Variants in MYO3B observed in about 807,000 individuals in gnomAD.
The protein encoded by MYO3B is myosin-IIIb.
A neutral mutation model predicts 174.6 loss-of-function variants in MYO3B; 156 were observed. That is an observed-to-expected ratio of 0.89 (90% CI 0.78 to 1.02). The LOEUF is 1.02. Ranked by LOEUF, MYO3B falls within the 50% of genes least tolerant of loss-of-function variation. The pLI, the probability that MYO3B is intolerant of heterozygous loss-of-function variation, is 0.00. For missense variants in MYO3B, 1,632 were observed against 1,639.4 expected, an observed-to-expected ratio of 1.00 and a Z score of 0.08; for synonymous variants, 563 against 569.1, an observed-to-expected ratio of 0.99 and a Z score of 0.15.
intron 7 of MYO3B, among the ~76,000 whole-genome samples, chr2:170,304,321 A>G (rs1452541416): frequency 2.6e-5 from 4 of 152,068 alleles, no homozygotes; most frequent in Non-Finnish European, 4.4e-5. Context: ...AATTTTTCCA[A>G]TATGATGGAT....
At chr2:170,382,890 TCAAGG>T in intron 10 of MYO3B, 178 bp from the exon 11 acceptor site, 2 of 494,830 alleles carry the variant, frequency 4.0e-6, no homozygotes, top group Non-Finnish European at 7.2e-6. Flanking sequence ...ATTTTTTCTT[TCAAGG>T]CAAATATTGG....
intron 7 of MYO3B, among the ~76,000 whole-genome samples, chr2:170,288,587 A>T (rs1006283196): frequency 2.6e-5 from 4 of 151,982 alleles, no homozygotes; most frequent in African/African-American, 9.7e-5. Context: ...AACTTTACTG[A>T]ATTTGTTTAT....
intron 7 of MYO3B, among the ~76,000 whole-genome samples, chr2:170,251,206 T>A (rs565703090): frequency 3.3e-5 from 5 of 152,052 alleles, no homozygotes; most frequent in South Asian, 2.1e-4. Flanking sequence ...TTTCTTTGAT[T>A]CTTTACTGCA....
At chr2:170,305,075 G>T (rs1192972871) in intron 7 of MYO3B, among the ~76,000 whole-genome samples, 1 of 151,502 alleles carries the variant, frequency 6.6e-6, no homozygotes, top group Non-Finnish European at 1.5e-5. Context: ...TAAATATTTT[G>T]ATTTTTAGAA....
intron 32 of MYO3B, among the ~76,000 whole-genome samples, chr2:170,649,267 A>ATT (rs1698763464): frequency 1.3e-5 from 1 of 75,338 alleles, no homozygotes; most frequent in South Asian, 3.6e-4. Context: ...TATATAATAT[A>ATT]TTATATATAA....
At chr2:170,401,061 T>C (rs2094472944) in intron 17 of MYO3B, among the ~76,000 whole-genome samples, 1 of 152,186 alleles carries the variant, frequency 6.6e-6, no homozygotes, top group African/African-American at 2.4e-5. Flanking sequence ...CGGGTAATTA[T>C]GGTGGCACAA....
At position 170,593,794 on chromosome 2, in the gene MYO3B, C is replaced by T. The variant is rs540289493; in HGVS notation, c.3733+49806C>T. On this transcript the variant is annotated intron_variant, in intron 32 of 34. Coordinates refer to ENST00000408978, the MANE Select transcript of MYO3B (RefSeq NM_138995.5). The stretch of plus-strand genomic sequence containing the variant: ...CCTTGGCCTTCCACTGTTTTGTTTC[C>T]AGCTCTCTATGATGTGCACCTTAGT... 1.6e-3 allele frequency among the ~76,000 whole-genome samples: 247 copies of T among 152,316 alleles called. 1 individual carries two copies. Among genetic ancestry groups the T allele is most frequent in the African/African-American group, 5.6e-3 (233 of 41,572 alleles).
intron 32 of MYO3B, among the ~76,000 whole-genome samples, chr2:170,576,760 T>A (rs574039145): frequency 6.6e-6 from 1 of 152,330 alleles, no homozygotes; most frequent in South Asian, 2.1e-4. Context: ...AATTTTCTTA[T>A]TCCTTACTCT....
At position 170,261,181 on chromosome 2, in the gene MYO3B, G is replaced by A. The variant is rs187304955; in HGVS notation, c.749+25045G>A. Among the ~76,000 whole-genome samples, 147 of 152,090 alleles carry A rather than the reference G, an allele frequency of 9.7e-4. 3 individuals carry two copies. The East Asian group carries it at 0.025, about 26-fold the overall frequency. Reference sequence around the variant, plus strand: ...TGGGATTACAGGCATGCACCACCACGCCCAGCTAATTTTGTATTTTTTAGT... The same window carrying A: ...TGGGATTACAGGCATGCACCACCACACCCAGCTAATTTTGTATTTTTTAGT... On this transcript the variant is annotated intron_variant, in intron 7 of 34. Transcript: ENST00000408978.
intron 7 of MYO3B, among the ~76,000 whole-genome samples, chr2:170,265,677 T>C (rs1178794695): frequency 6.6e-6 from 1 of 152,216 alleles, no homozygotes; most frequent in Admixed American, 6.5e-5. Context: ...GTCCAGGTAA[T>C]ACCAGATTTT....
At chr2:170,341,653 AT>A (rs2093977362) in intron 8 of MYO3B, among the ~76,000 whole-genome samples, 1 of 152,142 alleles carries the variant, frequency 6.6e-6, no homozygotes, top group Non-Finnish European at 1.5e-5. Context: ...AACACAAAAA[AT>A]AAGTTAACCC....
At chr2:170,183,451 CTCTT>C (rs1243340684) in intron 1 of MYO3B, among the ~76,000 whole-genome samples, 1 of 152,090 alleles carries the variant, frequency 6.6e-6, no homozygotes, top group Non-Finnish European at 1.5e-5. Flanking sequence ...GCATTTTACT[CTCTT>C]TAATTCCTAT....
chr2:170,187,037 G>T (rs2092473815), intron 1 of MYO3B, among the ~76,000 whole-genome samples: 2 of 146,422 alleles, frequency 1.4e-5, no homozygotes, highest in Non-Finnish European at 3.0e-5. Context: ...CTAAAGGTTT[G>T]TCAATTTTAT....
intron 32 of MYO3B, among the ~76,000 whole-genome samples, chr2:170,622,086 A>G (rs1695968440): frequency 6.6e-6 from 1 of 152,226 alleles, no homozygotes; most frequent in Non-Finnish European, 1.5e-5. Context: ...ACCCTTCTAA[A>G]TACTGAGAAT....
rs998865237 is a variant in MYO3B, at chr2:170,369,297, T to C, written c.891T>C (p.His297=). 9 of 1,613,752 alleles carry C rather than the reference T, an allele frequency of 5.6e-6. No homozygotes were observed. The highest frequency in any genetic ancestry group is 7.6e-6 in the Non-Finnish European group (9 of 1,179,820). The stretch of plus-strand genomic sequence containing the variant: ...ACCACCCATTTATTAAAGGAGTACA[T>C]GGAAAAGTTCTGTTTCTGCAAAAAC... The part of the protein sequence containing the change: ...LLDHPFIKGV[H]GKVLFLQKQL... Residue 297 remains histidine, a synonymous_variant, in exon 9 of 35, where the codon CAT becomes CAC. Coordinates refer to ENST00000408978, the MANE Select transcript of MYO3B (RefSeq NM_138995.5).
At chr2:170,477,479 C>T (rs1027361262) in intron 25 of MYO3B, among the ~76,000 whole-genome samples, 4 of 151,974 alleles carry the variant, frequency 2.6e-5, no homozygotes, top group African/African-American at 7.2e-5. Flanking sequence ...TAGCACTTCA[C>T]GTGTTATGGT....
At chr2:170,388,555 G>T (rs746434512) in intron 14 of MYO3B, among the ~76,000 whole-genome samples, 30 of 152,112 alleles carry the variant, frequency 2.0e-4, no homozygotes, top group Non-Finnish European at 4.1e-4. Flanking sequence ...AAGGGCAATA[G>T]GAAGCCACTG....
intron 7 of MYO3B, among the ~76,000 whole-genome samples, chr2:170,284,959 T>C (rs543665955): frequency 6.6e-6 from 1 of 152,364 alleles, no homozygotes; most frequent in East Asian, 1.9e-4. Flanking sequence ...TGTCTCATAC[T>C]GTACATATCC....
At chr2:170,416,623 C>CTTT (rs80194434) in intron 22 of MYO3B, among the ~76,000 whole-genome samples, 7 of 139,876 alleles carry the variant, frequency 5.0e-5, no homozygotes, top group African/African-American at 1.3e-4. Context: ...ATCCAAACTC[C>CTTT]TTTTTTTTTT....
Sources: allele counts gnomAD v4.1 joint callset (sites outside exome capture counted in the v4.1 genomes callset), GRCh38; gene constraint gnomAD v4.1.1; transcripts MANE v1.5; gene names NCBI Gene and HGNC (gene_info 2026-07-23, HGNC 2026-07-21).